Variants in STX8 observed in about 807,000 individuals in gnomAD.
STX8 encodes the protein syntaxin 8, also known as syntaxin-8.
A neutral mutation model predicts 37.5 loss-of-function variants in STX8; 23 were observed. The observed-to-expected ratio is 0.61, with a 90% CI of 0.44 to 0.87. STX8 has a LOEUF of 0.87. STX8 is among the 40% of genes least tolerant of loss of function. STX8 has a pLI of 0.00. For missense variants in STX8, 313 were observed against 284.7 expected, an observed-to-expected ratio of 1.10 and a Z score of -0.71; for synonymous variants, 115 against 99.1, an observed-to-expected ratio of 1.16 and a Z score of -0.95.
At chr17:9,444,481 TA>T (rs1299634073) in intron 6 of STX8, among the ~76,000 whole-genome samples, 2 of 152,186 alleles carry the variant, frequency 1.3e-5, no homozygotes, top group Non-Finnish European at 2.9e-5. Context: ...GGTCCTTCCT[TA>T]ATTAATAATA....
intron 6 of STX8, among the ~76,000 whole-genome samples, chr17:9,437,372 C>T (rs776370819): frequency 1.3e-5 from 2 of 152,148 alleles, no homozygotes; most frequent in African/African-American, 2.4e-5. Flanking sequence ...GCTGGAAGAT[C>T]CACCTACAAA....
chr17:9,349,607 C>A (rs1224535061), intron 7 of STX8, among the ~76,000 whole-genome samples: 2 of 152,058 alleles, frequency 1.3e-5, no homozygotes, highest in Non-Finnish European at 2.9e-5. Context: ...CAGGCATTAG[C>A]CACCACGCCG....
At chr17:9,468,270 C>T (rs1006953239) in intron 6 of STX8, among the ~76,000 whole-genome samples, 3 of 151,988 alleles carry the variant, frequency 2.0e-5, no homozygotes, top group South Asian at 2.1e-4. Context: ...CCACCGCACC[C>T]GGCTAATTTT....
intron 7 of STX8, among the ~76,000 whole-genome samples, chr17:9,301,610 G>A (rs1908787759): frequency 6.6e-6 from 1 of 151,394 alleles, no homozygotes; most frequent in Non-Finnish European, 1.5e-5. Context: ...AGCCTCCCGA[G>A]TAGCTGGGAC....
chr17:9,388,563 G>A (rs1351886652), intron 6 of STX8, among the ~76,000 whole-genome samples: 1 of 151,314 alleles, frequency 6.6e-6, no homozygotes, highest in Non-Finnish European at 1.5e-5. Context: ...CAGCACTTTG[G>A]GAGGCCGAGG....
chr17:9,470,207 G>C (rs1905791715), intron 6 of STX8, among the ~76,000 whole-genome samples: 1 of 152,182 alleles, frequency 6.6e-6, no homozygotes, highest in African/African-American at 2.4e-5. Context: ...GATGGAAAGA[G>C]AATGTCGTGT....
chr17:9,476,684 C>T (rs900224438), intron 6 of STX8, among the ~76,000 whole-genome samples: 3 of 151,998 alleles, frequency 2.0e-5, no homozygotes, highest in Non-Finnish European at 4.4e-5. Flanking sequence ...AACTCCTGAC[C>T]TCAGGTGACC....
At chr17:9,254,259 G>A (rs1008265639) in intron 7 of STX8, among the ~76,000 whole-genome samples, 4 of 152,114 alleles carry the variant, frequency 2.6e-5, no homozygotes, top group South Asian at 4.1e-4. Context: ...GCTTCGACAC[G>A]CGCTATCCTT....
At chr17:9,527,103 C>T (rs551447069) in intron 4 of STX8, among the ~76,000 whole-genome samples, 68 of 137,988 alleles carry the variant, frequency 4.9e-4, no homozygotes, top group African/African-American at 1.6e-3. Context: ...GGCGTGAACC[C>T]GGGAAGCGGA....
At chr17:9,450,784 T>G (rs1476991142) in intron 6 of STX8, among the ~76,000 whole-genome samples, 2 of 152,186 alleles carry the variant, frequency 1.3e-5, no homozygotes, top group Non-Finnish European at 2.9e-5. Context: ...CAGCAGTATT[T>G]CTTAAGAAGG....
At chr17:9,355,238 T>C (rs1910837109) in intron 7 of STX8, among the ~76,000 whole-genome samples, 1 of 152,174 alleles carries the variant, frequency 6.6e-6, no homozygotes, top group African/African-American at 2.4e-5. Flanking sequence ...TTGTTGACTG[T>C]TGTTTTCTCA....
At chr17:9,259,301 A>G (rs1906920814) in intron 7 of STX8, among the ~76,000 whole-genome samples, 1 of 152,210 alleles carries the variant, frequency 6.6e-6, no homozygotes, top group African/African-American at 2.4e-5. Context: ...AACTCTCCCA[A>G]CAATAATTAT....
intron 7 of STX8, among the ~76,000 whole-genome samples, chr17:9,327,254 GGAA>G (rs1909794841): frequency 6.7e-6 from 1 of 149,870 alleles, no homozygotes; most frequent in African/African-American, 2.5e-5. Flanking sequence ...GGAGGAAGGA[GGAA>G]GGAGGAGGAG....
At chr17:9,275,144 T>G (rs575951735) in intron 7 of STX8, among the ~76,000 whole-genome samples, 30 of 152,312 alleles carry the variant, frequency 2.0e-4, no homozygotes, top group Admixed American at 3.9e-4. Context: ...CAACTTCCAC[T>G]TCTTTTGCTT....
At chr17:9,369,148 C>G (rs975028667) in intron 7 of STX8, among the ~76,000 whole-genome samples, 2 of 152,184 alleles carry the variant, frequency 1.3e-5, no homozygotes, top group Non-Finnish European at 2.9e-5. Context: ...TATCCACTAT[C>G]TGTGCTGGCA....
intron 4 of STX8, among the ~76,000 whole-genome samples, chr17:9,518,823 C>T (rs564758758): frequency 4.0e-5 from 6 of 149,878 alleles, no homozygotes; most frequent in Non-Finnish European, 7.4e-5. Flanking sequence ...GAGCCGAGAT[C>T]GTGCCACTGC....
chr17:9,493,861 G>T (rs572044724), intron 5 of STX8, among the ~76,000 whole-genome samples: 12 of 152,182 alleles, frequency 7.9e-5, no homozygotes, highest in Admixed American at 5.9e-4. Context: ...TGAAAAATTA[G>T]AAAGTACCTA....
chr17:9,478,390 C>T (rs370366612), intron 6 of STX8, among the ~76,000 whole-genome samples: 7 of 152,146 alleles, frequency 4.6e-5, no homozygotes, highest in African/African-American at 1.7e-4. Flanking sequence ...CCCTCCTTGG[C>T]CTCCCAAAGT....
intron 5 of STX8, among the ~76,000 whole-genome samples, chr17:9,492,395 T>C (rs191142848): frequency 6.6e-6 from 1 of 152,322 alleles, no homozygotes; most frequent in African/African-American, 2.4e-5. Context: ...ATACCTAAGG[T>C]TAATTAAATT....
Sources: allele counts gnomAD v4.1 joint callset (sites outside exome capture counted in the v4.1 genomes callset), GRCh38; gene constraint gnomAD v4.1.1; transcripts MANE v1.5; gene names NCBI Gene and HGNC (gene_info 2026-07-23, HGNC 2026-07-21).